Variants in ANAPC4 observed in about 807,000 individuals in gnomAD.
ANAPC4 encodes the protein anaphase promoting complex subunit 4.
In ANAPC4, 63 loss-of-function variants were observed where a neutral mutation model predicts 119.8. That is an observed-to-expected ratio of 0.53 (90% CI 0.43 to 0.65). The LOEUF is 0.65. ANAPC4 is among the 30% of genes least tolerant of loss of function. The probability of loss-of-function intolerance (pLI) is 0.00; values close to 1 mark genes in which losing one functional copy is unlikely to be tolerated. For synonymous variants in ANAPC4, 283 were observed against 318.6 expected (o/e 0.89, Z 1.19); for missense variants, 716 against 945.1 (o/e 0.76, Z 3.18).
chr4:25,406,734 A>G (rs1359886906), intron 18 of ANAPC4, 95 bp from the exon 19 acceptor site: 13 of 911,310 alleles, frequency 1.4e-5, no homozygotes, highest in Non-Finnish European at 2.2e-5. Context: ...CTTTTAGTAG[A>G]TAGTAAAAAT....
chr4:25,413,088 G>A (rs1479055084), intron 21 of ANAPC4: 1 of 150,458 alleles, frequency 6.6e-6, no homozygotes, highest in Non-Finnish European at 1.5e-5. Context: ...GTAAATTGGA[G>A]AATATGGTGT....
intron 20 of ANAPC4, among the ~76,000 whole-genome samples, chr4:25,408,254 T>C (rs1723370262): frequency 6.6e-6 from 1 of 152,218 alleles, no homozygotes; most frequent in South Asian, 2.1e-4. Flanking sequence ...AAGGTTTGTT[T>C]CAGTGTGGAA....
At chr4:25,395,032 G>A in intron 14 of ANAPC4, 127 bp downstream of exon 14, 2 of 679,048 alleles carry the variant, frequency 2.9e-6, no homozygotes, top group Non-Finnish European at 5.0e-6. Context: ...TTGTTGCATG[G>A]CATTTGAGAA....
At chr4:25,399,944 A>G (rs1722866125) in intron 16 of ANAPC4, among the ~76,000 whole-genome samples, 1 of 152,222 alleles carries the variant, frequency 6.6e-6, no homozygotes, top group African/African-American at 2.4e-5. Flanking sequence ...AGGCATTACA[A>G]GAAGGAATGA....
At chr4:25,398,212 A>G (rs1043193916) in intron 16 of ANAPC4, among the ~76,000 whole-genome samples, 1 of 152,026 alleles carries the variant, frequency 6.6e-6, no homozygotes, top group African/African-American at 2.4e-5. Flanking sequence ...TTTTTTGATT[A>G]TTGTCAAATG....
rs537623645 is a variant in ANAPC4 at position 25,415,573 on chromosome 4, G to C, written c.1901+33G>C. The C allele has an allele frequency of 7.8e-6, 12 of 1,547,794 alleles. No individual in the cohort carries two copies. The Admixed American group carries it at 2.0e-4, about 26-fold the overall frequency. On this transcript the variant is annotated intron_variant, in intron 26 of 28. Transcript: ENST00000315368. ...TTGAATCTTGTTTGGATGAAATGTAGATACATGTGATATGTGTATATGTTT... is the reference window on the plus strand; with the variant it reads ...TTGAATCTTGTTTGGATGAAATGTACATACATGTGATATGTGTATATGTTT...
chr4:25,399,095 A>G lies in ANAPC4; in HGVS notation c.1214+2196A>G, dbSNP rs1032705721. ...CATTTAAAAATATTATACTGTATTT[A>G]TCATATAATTTATCTTTTCTGAAAC... On this transcript the variant is annotated intron_variant, in intron 16 of 28. Transcript: ENST00000315368. Among the ~76,000 whole-genome samples the G allele has an allele frequency of 3.3e-5, 5 of 151,410 alleles. 1 individual carries two copies. The highest frequency in any genetic ancestry group is 4.2e-4 in the South Asian group (2 of 4,804).
At position 25,390,903 on chromosome 4, in the gene ANAPC4, T is replaced by C; in HGVS notation, c.601-8T>C. On this transcript the variant is annotated splice_polypyrimidine_tract_variant and splice_region_variant and intron_variant, in intron 8 of 28. Coordinates refer to ENST00000315368, the MANE Select transcript of ANAPC4 (RefSeq NM_013367.3). ...CTAAATATACTAAGGGGTTTGACTC[T>C]TTTACAGATTGCTGGTACTTGTCTT... 2 of 1,607,058 alleles carry C rather than the reference T, an allele frequency of 1.2e-6. No individual in the cohort carries two copies. The highest frequency in any genetic ancestry group is 1.7e-6 in the Non-Finnish European group (2 of 1,173,920).
At chr4:25,406,583 A>G (rs1380253642) in intron 18 of ANAPC4, among the ~76,000 whole-genome samples, 2 of 152,218 alleles carry the variant, frequency 1.3e-5, no homozygotes, top group African/African-American at 2.4e-5. Context: ...CTTAGGCCAT[A>G]AAGAGTTCTG....
Position 25,377,405 on chromosome 4 carries a change from G to A in ANAPC4, c.-10-13G>A. On this transcript the variant is annotated splice_polypyrimidine_tract_variant and intron_variant, in intron 1 of 28. Transcript: ENST00000315368. ...GGGGCTCCTGCCGGCCTCTGACTGG[G>A]GTGTCGTTGCAGGGCCGTCCCCATG... The A allele has an allele frequency of 6.2e-7, 1 of 1,612,676 alleles. No homozygotes were observed. Among genetic ancestry groups the A allele is most frequent in the Non-Finnish European group, 8.5e-7 (1 of 1,179,186 alleles).
intron 16 of ANAPC4, among the ~76,000 whole-genome samples, chr4:25,400,410 T>C (rs560178780): frequency 2.5e-4 from 38 of 152,042 alleles, no homozygotes; most frequent in South Asian, 2.1e-3. Flanking sequence ...AGGTGGGAGA[T>C]AGGGGACGTT....
At chr4:25,380,553 G>A (rs1448760971) in intron 3 of ANAPC4, 74 bp downstream of exon 3, 2 of 1,124,304 alleles carry the variant, frequency 1.8e-6, no homozygotes, top group African/African-American at 3.2e-5. Context: ...TTTTCAGAAA[G>A]GATTTATTGT....
chr4:25,418,259 T>C lies in ANAPC4; in HGVS notation c.2304T>C (p.Pro768=), dbSNP rs760943399. The C allele has an allele frequency of 1.1e-5, 17 of 1,613,956 alleles. No homozygotes were observed. The highest frequency in any genetic ancestry group is 1.3e-5 in the African/African-American group (1 of 74,912). The change falls in exon 29 of 29, where the codon CCT becomes CCC. Residue 768 remains proline, a synonymous_variant. Coordinates refer to ENST00000315368, the MANE Select transcript of ANAPC4 (RefSeq NM_013367.3). ...AAGAGGAGGAGGCCAGTAATAAGCC[T>C]GTAAAAATAAAGGAAGAAGTGTTGT... is the stretch of plus-strand genomic sequence containing the variant. ...SDEEEEASNK[P]VKIKEEVLSE...
chr4:25,409,738 A>G lies in ANAPC4; in HGVS notation c.1472A>G (p.Asn491Ser). The stretch of plus-strand genomic sequence containing the variant: ...GATGATGATCTTGTGTCACCCCCTA[A>G]CACAGAAGGAAACCAGTGGTATGAC... ...DEDDDLVSPP[N>S]TEGNQWYDFL... The change falls in exon 21 of 29, where the codon AAC (asparagine) becomes AGC (serine). Residue 491 changes from asparagine (N) to serine (S), a missense_variant. By Grantham distance (46) the Asn-to-Ser change is conservative (BLOSUM62 1). Coordinates refer to ENST00000315368, the MANE Select transcript of ANAPC4 (RefSeq NM_013367.3). 1 of 1,613,394 alleles carries G rather than the reference A, an allele frequency of 6.2e-7. No individual in the cohort carries two copies. Among genetic ancestry groups the G allele is most frequent in the Non-Finnish European group, 8.5e-7 (1 of 1,179,544 alleles).
intron 16 of ANAPC4, among the ~76,000 whole-genome samples, chr4:25,399,805 A>G (rs1334798190): frequency 1.3e-5 from 2 of 152,152 alleles, no homozygotes; most frequent in Non-Finnish European, 1.5e-5. Flanking sequence ...ATGGGACTGG[A>G]TGAGGTAATG....
chr4:25,392,388 C>T lies in ANAPC4; in HGVS notation c.756C>T (p.Ala252=), dbSNP rs1484574112. 3.1e-6 allele frequency: 5 copies of T among 1,612,940 alleles called. No individual in the cohort carries two copies. Among genetic ancestry groups the T allele is most frequent in the Non-Finnish European group, 2.5e-6 (3 of 1,179,018 alleles). ...TCTTACCTGAAGTAACTCGGATGGC[C>T]AGAAAGTTTACTCATATTTCAGCTC... is the stretch of plus-strand genomic sequence containing the variant. ...YSFLPEVTRM[A]RKFTHISALL... is the part of the protein sequence containing the mutation. The change falls in exon 10 of 29, where the codon GCC becomes GCT. Residue 252 remains alanine (A), a synonymous_variant. Transcript: ENST00000315368.
At chr4:25,387,754 A>G (rs999150317) in intron 4 of ANAPC4, among the ~76,000 whole-genome samples, 6 of 152,200 alleles carry the variant, frequency 3.9e-5, no homozygotes, top group African/African-American at 1.4e-4. Flanking sequence ...GGGGGTAAAT[A>G]AGACTATTTC....
chr4:25,389,985 A>G (rs1722254580), intron 7 of ANAPC4, 151 bp from the exon 8 acceptor site: 1 of 488,610 alleles, frequency 2.0e-6, no homozygotes, highest in Non-Finnish European at 3.6e-6. Flanking sequence ...CTGAATATTG[A>G]GTGTTAGTGG....
chr4:25,404,470 A>G (rs1723148050), intron 17 of ANAPC4, among the ~76,000 whole-genome samples: 1 of 152,208 alleles, frequency 6.6e-6, no homozygotes, highest in Non-Finnish European at 1.5e-5. Context: ...AGTAAGAATC[A>G]GGATTGTCCT....
Sources: gnomAD v4.1 joint callset for allele counts (sites outside exome capture counted in the v4.1 genomes callset) on GRCh38, gnomAD v4.1.1 for gene constraint, MANE v1.5 for transcripts, NCBI Gene and HGNC (gene_info 2026-07-23, HGNC 2026-07-21) for gene names.